SEC16A: variants seen among roughly 807,000 people sequenced by gnomAD.
The protein encoded by SEC16A is SEC16 homolog A, endoplasmic reticulum export factor.
Under a neutral mutation model 221.9 loss-of-function variants are expected in SEC16A, and 110 were observed. The observed-to-expected ratio is 0.50, with a 90% confidence interval of 0.42 to 0.58. SEC16A has a LOEUF of 0.58. Ranked by LOEUF, SEC16A falls within the 20% of genes least tolerant of loss-of-function variation. The probability of loss-of-function intolerance (pLI) is 0.00; values close to 1 mark genes in which losing one functional copy is unlikely to be tolerated. For missense variants in SEC16A, 3,165 were observed against 3,097.8 expected (o/e 1.02, Z -0.52); for synonymous variants, 1,393 against 1,257.7 (o/e 1.11, Z -2.28).
chr9:136,475,109 C>T lies in SEC16A; in HGVS notation c.2507G>A (p.Ser836Asn), dbSNP rs762967801. The T allele has an allele frequency of 1.9e-6, 3 of 1,613,714 alleles. No homozygotes were observed. The highest frequency in any genetic ancestry group is 2.5e-6 in the Non-Finnish European group (3 of 1,179,830). ...PPVLIAQPDH[S>N]YNLAQPINFS... ...GTTAATGGGCTGAGCCAGATTATAGCTGTGATCAGGCTGAGCAATCAAGAC... is the reference window on the plus strand; with the variant it reads ...GTTAATGGGCTGAGCCAGATTATAGTTGTGATCAGGCTGAGCAATCAAGAC... The change falls in exon 3 of 32, where the codon AGC becomes AAC. Residue 836 changes from serine (S) to asparagine (N), a missense_variant. By Grantham distance (46) the Ser-to-Asn change is conservative. Transcript: ENST00000684901. This position sits in a 1 kb window ranked among gnomAD's most constrained non-coding sequence, Gnocchi z 5.0.
At chr9:136,468,584 T>C (rs112116478) in intron 4 of SEC16A, 72 bp from the exon 5 acceptor site, 5 of 1,006,176 alleles carry the variant, frequency 5.0e-6, no homozygotes, top group African/African-American at 3.2e-5. Context: ...CCAATACAAA[T>C]CATTCCCAAA....
intron 3 of SEC16A, among the ~76,000 whole-genome samples, chr9:136,472,827 C>T (rs1841057943): frequency 6.6e-6 from 1 of 152,260 alleles, no homozygotes; most frequent in Non-Finnish European, 1.5e-5. Context: ...CACAGCAAAA[C>T]AGACTCATCC....
rs959785230 is a variant in SEC16A at position 136,466,687 on chromosome 9, G to C, written c.3930-225C>G. 2.6e-5 allele frequency among the ~76,000 whole-genome samples: 4 copies of C among 152,210 alleles called. No homozygotes were observed. The highest frequency in any genetic ancestry group is 2.6e-4 in the Admixed American group (4 of 15,286). ...GCTGCAGGGCGCGACCGGTAAGAAG[G>C]GACGATGAGAAAGAGTGAGCCCAAT... On this transcript the variant is annotated intron_variant, in intron 6 of 31. Coordinates refer to ENST00000684901, the MANE Select transcript of SEC16A (RefSeq NM_014866.2). The surrounding 1 kb of genome is among the most constrained non-coding windows in gnomAD (Gnocchi z 5.5).
At position 136,477,263 on chromosome 9, in the gene SEC16A, C is replaced by T. The variant is rs765477873; in HGVS notation, c.353G>A (p.Arg118Lys). 1.2e-6 allele frequency: 2 copies of T among 1,613,958 alleles called. No homozygotes were observed. Among genetic ancestry groups the T allele is most frequent in the South Asian group, 2.2e-5 (2 of 91,080 alleles). The change falls in exon 3 of 32, where the codon AGA (arginine) becomes AAA (lysine). Residue 118 changes from arginine (R) to lysine (K), a missense_variant. Arg to Lys is a conservative substitution (Grantham distance 26). Transcript: ENST00000684901. ...ACCAGAAAACGGACTGGCATGTGCT[C>T]TGGGCTGTGTCAGAGGTCCAGGCAG... Reference protein sequence around the residue: ...EPLPGPLTQPRAHASPFSGAL... With the variant: ...EPLPGPLTQPKAHASPFSGAL...
At position 136,451,260 on chromosome 9, in the gene SEC16A, T is replaced by G. The variant is rs765868709; in HGVS notation, c.6308A>C (p.Lys2103Thr). 6.2e-7 allele frequency: 1 copy of G among 1,610,970 alleles called. No individual in the cohort carries two copies. Among genetic ancestry groups the G allele is most frequent in the East Asian group, 2.2e-5 (1 of 44,798 alleles). ...QAAKKETKEPKKGESWFFRWL... is the reference protein window; with the variant it reads ...QAAKKETKEPTKGESWFFRWL... ...ACCGTGGGCAGGCTGTACTACCTTC[T>G]TAGGTTCCTTCGTTTCTTTCTTGGC... Residue 2103 changes from lysine to threonine, a missense_variant, in exon 23 of 32, where the codon AAG (lysine) becomes ACG (threonine). By Grantham distance (78) the Lys-to-Thr change is moderately conservative. Transcript: ENST00000684901.
intron 23 of SEC16A, among the ~76,000 whole-genome samples, chr9:136,450,651 C>T (rs1456482055): frequency 6.6e-6 from 1 of 152,148 alleles, no homozygotes; most frequent in East Asian, 1.9e-4. Flanking sequence ...AAAGAACCGG[C>T]ACTGCCCAGT....
At chr9:136,483,394 C>T (rs1842667314), upstream of SEC16A, 1 of 699,400 alleles carries the variant, frequency 1.4e-6, no homozygotes, top group Non-Finnish European at 1.7e-6. Context: ...TTAGCCCCGC[C>T]CGTCGTCCGT....
chr9:136,447,148 A>C lies in SEC16A; in HGVS notation c.6697+79T>G, dbSNP rs144265669. 5,608 of 1,535,486 alleles carry C rather than the reference A, an allele frequency of 3.7e-3. 21 individuals carry two copies. Among genetic ancestry groups the C allele is most frequent in the Non-Finnish European group, 4.3e-3 (4,896 of 1,136,634 alleles). ...AGGTCATTCTTTTAACGGGAGATTT[A>C]GGAGAGACTCATAGAAAGAGGATCA... On this transcript the variant is annotated intron_variant, in intron 27 of 31. Coordinates refer to ENST00000684901, the MANE Select transcript of SEC16A (RefSeq NM_014866.2). This position sits in a 1 kb window ranked among gnomAD's most constrained non-coding sequence, Gnocchi z 5.5.
chr9:136,446,825 C>T (rs746584845), intron 28 of SEC16A, 30 bp downstream of exon 28: 2 of 1,571,598 alleles, frequency 1.3e-6, no homozygotes, highest in Admixed American at 3.9e-5. Context: ...TCACTGGGTA[C>T]CTTTCCCCTT....
chr9:136,455,284 G>A (rs773782211), intron 20 of SEC16A, among the ~76,000 whole-genome samples: 4 of 152,194 alleles, frequency 2.6e-5, no homozygotes, highest in Non-Finnish European at 5.9e-5. Context: ...GCCCAGACAC[G>A]GTGCGGCTGA....
chr9:136,476,422 C>T lies in SEC16A; in HGVS notation c.1194G>A (p.Ala398=), dbSNP rs778982311. 53 of 1,612,896 alleles carry T rather than the reference C, an allele frequency of 3.3e-5. No individual in the cohort carries two copies. Among genetic ancestry groups the T allele is most frequent in the Admixed American group, 2.2e-4 (13 of 59,998 alleles). Residue 398 remains alanine, a synonymous_variant, in exon 3 of 32, where the codon GCG becomes GCA. Coordinates refer to ENST00000684901, the MANE Select transcript of SEC16A (RefSeq NM_014866.2). ...SSEKAGLSGQ[A]DFDDFCSSPG... ...GGCTGGAGCAGAAATCGTCAAAGTC[C>T]GCTTGACCAGATAAGCCTGCTTTTT...
At chr9:136,473,136 G>A (rs545806802) in intron 3 of SEC16A, among the ~76,000 whole-genome samples, 2 of 152,352 alleles carry the variant, frequency 1.3e-5, no homozygotes, top group South Asian at 2.1e-4. Context: ...CCCATTCCCC[G>A]GGGCAGTACC....
rs1429851804 is a variant in SEC16A, at chr9:136,462,089, G to C, written c.4893+798C>G. On this transcript the variant is annotated intron_variant, in intron 12 of 31. Coordinates refer to ENST00000684901, the MANE Select transcript of SEC16A (RefSeq NM_014866.2). ...CGCCACTGCACTCCAGCCTGGGCAA[G>C]AGTGAGACCCTGTCTCAAAAAAAAT... is the stretch of plus-strand genomic sequence containing the variant. Among the ~76,000 whole-genome samples, 4 of 152,012 alleles carry C rather than the reference G, an allele frequency of 2.6e-5. No individual in the cohort carries two copies. The East Asian group carries it at 7.7e-4, about 29-fold the overall frequency.
intron 28 of SEC16A, 151 bp downstream of exon 28, chr9:136,446,704 G>T: frequency 1.4e-6 from 1 of 720,940 alleles, no homozygotes; most frequent in Non-Finnish European, 2.1e-6. Flanking sequence ...TCTACCTTCC[G>T]TCTCTACCAT....
intron 31 of SEC16A, among the ~76,000 whole-genome samples, chr9:136,443,040 G>A (rs563723534): frequency 5.3e-5 from 8 of 152,356 alleles, no homozygotes; most frequent in African/African-American, 1.9e-4. Context: ...GGGGAGACCC[G>A]GGTGCCCGGG....
chr9:136,462,771 T>C (rs1171166168), intron 12 of SEC16A, 116 bp downstream of exon 12: 4 of 1,191,844 alleles, frequency 3.4e-6, no homozygotes, highest in Middle Eastern at 2.2e-4. Flanking sequence ...AGCCCCACAC[T>C]GCAGCGCGGA....
Position 136,480,493 on chromosome 9 carries a change from T to C in SEC16A, c.-191-1663A>G, listed in dbSNP as rs1041882448. ...TCTTTCTGCAATGTATTTTTGTCTA[T>C]AAAATGCGAGAATCGATGTGATTAT... On this transcript the variant is annotated intron_variant, in intron 1 of 31. Coordinates refer to ENST00000684901, the MANE Select transcript of SEC16A (RefSeq NM_014866.2). Among the ~76,000 whole-genome samples the C allele has an allele frequency of 2.6e-5, 4 of 152,176 alleles. No individual in the cohort carries two copies. The East Asian group carries it at 7.7e-4, about 29-fold the overall frequency.
rs926545013 is a variant in SEC16A at position 136,441,797 on chromosome 9, C to A, written c.7032G>T (p.Arg2344Ser). The part of the protein sequence containing the change: ...AQACATSGSS[R>S]LGRIGQRKHL... ...GCTTCCTCTGGCCAATCCTCCCTAG[C>A]CTTGAGCTCCCGGAGGTGGCGCAGG... The change falls in exon 32 of 32, where the codon AGG (arginine) becomes AGT (serine). Residue 2344 changes from arginine to serine, a missense_variant. Coordinates refer to ENST00000684901, the MANE Select transcript of SEC16A (RefSeq NM_014866.2). The A allele has an allele frequency of 1.2e-6, 2 of 1,613,334 alleles. No individual in the cohort carries two copies. Among genetic ancestry groups the A allele is most frequent in the African/African-American group, 2.7e-5 (2 of 75,032 alleles).
At position 136,475,392 on chromosome 9, in the gene SEC16A, G is replaced by C; in HGVS notation, c.2224C>G (p.Pro742Ala). The change falls in exon 3 of 32, where the codon CCT (proline) becomes GCT (alanine). Residue 742 changes from proline (P) to alanine (A), a missense_variant. Physicochemically the swap from Pro to Ala is conservative, Grantham distance 27 (BLOSUM62 -1). Transcript: ENST00000684901. This position sits in a 1 kb window ranked among gnomAD's most constrained non-coding sequence, Gnocchi z 5.0. Reference sequence around the variant, plus strand: ...CACACATAAAGCGCCGGGGCTGCAGGGGCCAGAAGGACGTTGCCTCCAAAA... The same window carrying C: ...CACACATAAAGCGCCGGGGCTGCAGCGGCCAGAAGGACGTTGCCTCCAAAA... ...PDFGGNVLLA[P>A]AAPALYVCAK... 1 of 1,609,708 alleles carries C rather than the reference G, an allele frequency of 6.2e-7. No homozygotes were observed.
Sources: allele counts gnomAD v4.1 joint callset (sites outside exome capture counted in the v4.1 genomes callset), GRCh38; gene constraint gnomAD v4.1.1; non-coding constraint Gnocchi (gnomAD v3.1); transcripts MANE v1.5; gene names NCBI Gene and HGNC (gene_info 2026-07-23, HGNC 2026-07-21).